KATNAL2: variants seen among roughly 807,000 people sequenced by gnomAD.
The protein encoded by KATNAL2 is katanin p60 ATPase-containing subunit A-like 2.
Under a neutral mutation model 76.3 loss-of-function variants are expected in KATNAL2, and 52 were observed. The ratio of observed to expected loss-of-function variants is 0.68; its 90% CI spans 0.55 to 0.86. KATNAL2 has a LOEUF of 0.86. Ranked by LOEUF, KATNAL2 falls within the 40% of genes least tolerant of loss-of-function variation. The pLI, the probability that KATNAL2 is intolerant of heterozygous loss-of-function variation, is 0.00. For synonymous variants in KATNAL2, 243 were observed against 244.2 expected (o/e 1.00, Z 0.05); for missense variants, 660 against 668.9 (o/e 0.99, Z 0.15).
intron 15 of KATNAL2, among the ~76,000 whole-genome samples, chr18:47,088,624 G>A (rs894073608): frequency 6.6e-6 from 1 of 151,988 alleles, no homozygotes; most frequent in African/African-American, 2.4e-5. Flanking sequence ...TGTTACCCAG[G>A]CTGGAGTGCA....
chr18:47,046,470 C>G lies in KATNAL2; in HGVS notation c.65C>G (p.Thr22Arg). Residue 22 changes from threonine to arginine, a missense_variant, in exon 4 of 18, where the codon ACA (threonine) becomes AGA (arginine). Transcript: ENST00000683218. ...HQAREACEMR[T>R]EARRKNLLIL... The stretch of plus-strand genomic sequence containing the variant: ...CCTCTGTTCCAGTGCGAGATGAGGA[C>G]AGAAGCACGACGAAAAAATCTTCTC... 2 of 1,535,812 alleles carry G rather than the reference C, an allele frequency of 1.3e-6. No homozygotes were observed. The highest frequency in any genetic ancestry group is 2.4e-5 in the East Asian group (1 of 40,904).
chr18:47,071,230 G>T (rs952552300), intron 13 of KATNAL2, among the ~76,000 whole-genome samples: 1 of 152,024 alleles, frequency 6.6e-6, no homozygotes, highest in Non-Finnish European at 1.5e-5. Context: ...GAACTCTTGG[G>T]CTCAAGCAAT....
intron 3 of KATNAL2, among the ~76,000 whole-genome samples, chr18:46,955,869 T>C (rs899728881): frequency 3.3e-5 from 5 of 152,202 alleles, no homozygotes; most frequent in Non-Finnish European, 4.4e-5. Context: ...ATAGATTTTT[T>C]ATTCCTTTAT....
At position 47,054,701 on chromosome 18, in the gene KATNAL2, C is replaced by T. The variant is rs1211970653; in HGVS notation, c.332+263C>T. On this transcript the variant is annotated intron_variant, in intron 6 of 17. Coordinates refer to ENST00000683218, the MANE Select transcript of KATNAL2 (RefSeq NM_001387690.1). ...GGCCATGTGGTATGAAAAGTCTTAA[C>T]CTCAAAGGTTAAAAGACCCAGGTTC... 4 of 401,170 alleles carry T rather than the reference C, an allele frequency of 1.0e-5. No individual in the cohort carries two copies. In the Admixed American group the frequency reaches 1.7e-4, roughly 17 times the overall value. 24.9% of individuals were successfully genotyped at this position (401,170 alleles called of 1,614,324 possible). A position where few individuals can be genotyped will look rare whatever the true frequency, so the allele number is the denominator to read the frequency against.
chr18:46,946,158 A>G lies in KATNAL2; in HGVS notation c.-408A>G. 1 of 934,208 alleles carries G rather than the reference A, an allele frequency of 1.1e-6. No homozygotes were observed. Among genetic ancestry groups the G allele is most frequent in the Non-Finnish European group, 1.3e-6 (1 of 777,258 alleles). 57.9% of individuals were successfully genotyped at this position (934,208 alleles called of 1,614,324 possible). A position where few individuals can be genotyped will look rare whatever the true frequency, so the allele number is the denominator to read the frequency against. On this transcript the variant is annotated 5_prime_UTR_variant, in exon 2 of 18. It adds an upstream start codon to the 5' untranslated region. Transcript: ENST00000683218. ...TAATGATGAAGGGATAATTTGGAATAGGATTCACAGCAAGAGAGACAGAAG... is the reference window on the plus strand; with the variant it reads ...TAATGATGAAGGGATAATTTGGAATGGGATTCACAGCAAGAGAGACAGAAG...
intron 1 of KATNAL2, among the ~76,000 whole-genome samples, chr18:46,923,691 A>G (rs1189822681): frequency 6.6e-6 from 1 of 152,198 alleles, no homozygotes; most frequent in Non-Finnish European, 1.5e-5. Context: ...AGTCCCACCA[A>G]CATTGTCAAA....
intron 3 of KATNAL2, among the ~76,000 whole-genome samples, chr18:46,961,456 TAAAC>T (rs1198636573): frequency 2.0e-5 from 3 of 152,200 alleles, no homozygotes; most frequent in Admixed American, 6.5e-5. Flanking sequence ...AGTTTTCTGA[TAAAC>T]AAAGGTAGCA....
intron 1 of KATNAL2, chr18:46,919,931 G>A (rs2058437905): frequency 6.0e-6 from 3 of 497,602 alleles, no homozygotes; most frequent in Non-Finnish European, 1.1e-5. Flanking sequence ...CACTGTGGGA[G>A]GAGTTTTCGG....
intron 1 of KATNAL2, among the ~76,000 whole-genome samples, chr18:46,919,903 T>C (rs1345344489): frequency 6.6e-6 from 1 of 152,218 alleles, no homozygotes; most frequent in Non-Finnish European, 1.5e-5. Context: ...CATTGTTTAG[T>C]AGGCTTTAAG....
intron 15 of KATNAL2, among the ~76,000 whole-genome samples, chr18:47,083,140 T>G (rs1199437766): frequency 6.6e-6 from 1 of 152,232 alleles, no homozygotes; most frequent in Admixed American, 6.5e-5. Flanking sequence ...GGTTGTTTCC[T>G]TAGGACAGAT....
At chr18:46,920,286 C>G (rs1053050646) in intron 1 of KATNAL2, 3 of 362,682 alleles carry the variant, frequency 8.3e-6, no homozygotes, top group African/African-American at 6.3e-5. Context: ...CCAAGTAGAT[C>G]AAGTGTGGAC....
intron 6 of KATNAL2, among the ~76,000 whole-genome samples, chr18:47,057,261 G>A (rs2147120077): frequency 6.6e-6 from 1 of 152,324 alleles, no homozygotes; most frequent in East Asian, 1.9e-4. Context: ...TCTCACATAT[G>A]GGGACAAAAG....
At chr18:46,948,349 C>T (rs546452480) in intron 3 of KATNAL2, among the ~76,000 whole-genome samples, 1 of 151,154 alleles carries the variant, frequency 6.6e-6, no homozygotes, top group African/African-American at 2.4e-5. Flanking sequence ...TGAGCTCAGG[C>T]AATCTTCCCC....
chr18:47,078,519 ATT>A (rs1164232530), intron 15 of KATNAL2, among the ~76,000 whole-genome samples: 1 of 152,210 alleles, frequency 6.6e-6, no homozygotes, highest in African/African-American at 2.4e-5. Flanking sequence ...GAGAACCGTC[ATT>A]GAAATGTGAT....
intron 1 of KATNAL2, among the ~76,000 whole-genome samples, chr18:46,943,886 T>G (rs183365881): frequency 2.0e-5 from 3 of 152,378 alleles, no homozygotes; most frequent in Admixed American, 6.5e-5. Context: ...TTGTTCCTTC[T>G]TCCTGTACTA....
chr18:47,066,532 C>G (rs1569105336), intron 10 of KATNAL2, among the ~76,000 whole-genome samples: 1 of 152,074 alleles, frequency 6.6e-6, no homozygotes, highest in Non-Finnish European at 1.5e-5. Flanking sequence ...AGCATTATCT[C>G]CTTTATGCAA....
intron 15 of KATNAL2, among the ~76,000 whole-genome samples, chr18:47,088,829 T>C (rs77081056): frequency 2.1e-3 from 318 of 152,350 alleles, no homozygotes; most frequent in Non-Finnish European, 2.2e-3. Context: ...TTTTACTGTG[T>C]CAGTCTTTAA....
chr18:47,055,643 A>C (rs1181249219), intron 6 of KATNAL2, among the ~76,000 whole-genome samples: 1 of 152,248 alleles, frequency 6.6e-6, no homozygotes, highest in East Asian at 1.9e-4. Flanking sequence ...TTTTATTTAT[A>C]GTTTCCACAA....
chr18:46,961,427 T>C (rs1219464112), intron 3 of KATNAL2, among the ~76,000 whole-genome samples: 2 of 152,366 alleles, frequency 1.3e-5, no homozygotes, highest in Non-Finnish European at 2.9e-5. Context: ...CAGCGATTCA[T>C]GTAATACACT....
Sources: gnomAD v4.1 joint callset for allele counts (sites outside exome capture counted in the v4.1 genomes callset) on GRCh38, gnomAD v4.1.1 for gene constraint, MANE v1.5 for transcripts, NCBI Gene and HGNC (gene_info 2026-07-23, HGNC 2026-07-21) for gene names.